The following DLG2 variants were observed in gnomAD, a reference collection of about 807,000 sequenced individuals.
DLG2 encodes the protein discs large MAGUK scaffold protein 2, also known as disks large homolog 2.
DLG2 carries 45 observed loss-of-function variants against 132.5 expected under a neutral mutation model. The observed-to-expected ratio is 0.34, with a 90% CI of 0.27 to 0.44. The LOEUF (loss-of-function observed/expected upper bound fraction) is 0.44, where lower values mean the gene tolerates loss of function less well. Ranked by LOEUF, DLG2 falls within the 20% of genes least tolerant of loss-of-function variation. The pLI, the probability that DLG2 is intolerant of heterozygous loss-of-function variation, is 1.00. For missense variants in DLG2, 1,045 were observed against 1,196.9 expected (o/e 0.87, Z 1.87); for synonymous variants, 424 against 419.6 (o/e 1.01, Z -0.13).
intron 3 of DLG2, among the ~76,000 whole-genome samples, chr11:85,412,923 T>C (rs1266262949): frequency 6.6e-6 from 1 of 151,882 alleles, no homozygotes; most frequent in African/African-American, 2.4e-5. Flanking sequence ...TCTGGGTAGA[T>C]AGCCAGTACT....
intron 17 of DLG2, among the ~76,000 whole-genome samples, chr11:83,815,421 T>C (rs2048584656): frequency 6.6e-6 from 1 of 152,162 alleles, no homozygotes; most frequent in East Asian, 1.9e-4. Flanking sequence ...AAATTCTCAA[T>C]AAATTCATTC....
At chr11:84,902,335 A>C (rs2090989326) in intron 6 of DLG2, among the ~76,000 whole-genome samples, 1 of 152,194 alleles carries the variant, frequency 6.6e-6, no homozygotes, top group Non-Finnish European at 1.5e-5. Flanking sequence ...GTTTTTATAA[A>C]GTATCTGCTT....
chr11:84,192,220 G>C (rs1336457983), intron 8 of DLG2, among the ~76,000 whole-genome samples: 2 of 152,078 alleles, frequency 1.3e-5, no homozygotes, highest in Non-Finnish European at 2.9e-5. Flanking sequence ...ACAGGGGGTG[G>C]GTGAGTATAT....
chr11:84,039,361 C>T (rs1234632159), intron 11 of DLG2, among the ~76,000 whole-genome samples: 1 of 128,446 alleles, frequency 7.8e-6, no homozygotes, highest in Non-Finnish European at 1.6e-5. Context: ...TAATGCTATC[C>T]CTCCCCCCGC....
At chr11:85,513,355 T>TA (rs113097869) in intron 3 of DLG2, among the ~76,000 whole-genome samples, 1 of 151,922 alleles carries the variant, frequency 6.6e-6, no homozygotes, top group Admixed American at 6.6e-5. Context: ...TTTTAAAAAT[T>TA]AAAAATAGAG....
intron 7 of DLG2, among the ~76,000 whole-genome samples, chr11:84,518,116 A>C (rs1290289934): frequency 1.1e-5 from 1 of 89,944 alleles, no homozygotes; most frequent in Non-Finnish European, 2.5e-5. Flanking sequence ...ATTCAATAAC[A>C]TGTCTAACTT....
At chr11:83,648,368 C>G (rs1409699663) in intron 18 of DLG2, among the ~76,000 whole-genome samples, 3 of 152,146 alleles carry the variant, frequency 2.0e-5, no homozygotes, top group African/African-American at 7.2e-5. Flanking sequence ...GAAAAGGGAG[C>G]AGCTACATAG....
At chr11:84,811,260 A>G (rs1202212898) in intron 6 of DLG2, among the ~76,000 whole-genome samples, 1 of 152,130 alleles carries the variant, frequency 6.6e-6, no homozygotes, top group Non-Finnish European at 1.5e-5. Context: ...TATATAAGGT[A>G]TGCATGTGTG....
intron 3 of DLG2, among the ~76,000 whole-genome samples, chr11:85,521,197 T>C (rs1402450610): frequency 6.6e-6 from 1 of 152,174 alleles, no homozygotes; most frequent in Non-Finnish European, 1.5e-5. Context: ...AGGGACCTTG[T>C]AGGAGGTGAT....
intron 6 of DLG2, among the ~76,000 whole-genome samples, chr11:84,815,754 C>A (rs1320777309): frequency 1.3e-5 from 2 of 151,950 alleles, no homozygotes. Context: ...GGATTATCTG[C>A]CCCAGTGCTC....
At chr11:84,143,090 T>G (rs189311511) in intron 9 of DLG2, among the ~76,000 whole-genome samples, 1 of 152,174 alleles carries the variant, frequency 6.6e-6, no homozygotes. Flanking sequence ...ATACAGTGTC[T>G]TTGTAGAATT....
chr11:84,472,203 G>A (rs757790436), intron 7 of DLG2, among the ~76,000 whole-genome samples: 1 of 151,778 alleles, frequency 6.6e-6, no homozygotes, highest in Non-Finnish European at 1.5e-5. Flanking sequence ...ATCTCAGTGT[G>A]CCTGTATACA....
chr11:83,958,328 G>A lies in DLG2; in HGVS notation c.1340+4557C>T, dbSNP rs2087473931. 2.0e-5 allele frequency among the ~76,000 whole-genome samples: 3 copies of A among 152,120 alleles called. No homozygotes were observed. In the South Asian group the frequency reaches 6.2e-4, roughly 32 times the overall value. ...CTGGTGAATATTAGAGTTACAGTTT[G>A]GGGCAGTTCTTGTAAAGTGTCTGTG... On this transcript the variant is annotated intron_variant, in intron 14 of 27. Coordinates refer to ENST00000376104, the MANE Select transcript of DLG2 (RefSeq NM_001142699.3).
At chr11:85,321,303 T>A (rs1051269762) in intron 3 of DLG2, among the ~76,000 whole-genome samples, 1 of 152,106 alleles carries the variant, frequency 6.6e-6, no homozygotes, top group Non-Finnish European at 1.5e-5. Flanking sequence ...ATCAAGGGCT[T>A]AGTATTGGCT....
intron 15 of DLG2, among the ~76,000 whole-genome samples, chr11:83,902,722 C>G (rs2073804142): frequency 6.6e-6 from 1 of 152,036 alleles, no homozygotes. Context: ...CCAAGGGAAC[C>G]CTTCCTAATC....
intron 6 of DLG2, among the ~76,000 whole-genome samples, chr11:84,851,881 C>A (rs1374190878): frequency 6.6e-6 from 1 of 151,520 alleles, no homozygotes; most frequent in African/African-American, 2.4e-5. Context: ...TAGTTATATA[C>A]AATTTTGTAT....
At chr11:85,596,539 T>C (rs139821538) in intron 3 of DLG2, among the ~76,000 whole-genome samples, 137 of 152,320 alleles carry the variant, frequency 9.0e-4, no homozygotes, top group Admixed American at 2.0e-3. Flanking sequence ...TTCTCTTCTA[T>C]TTCTACAGCT....
chr11:84,495,228 C>G (rs2099178374), intron 7 of DLG2, among the ~76,000 whole-genome samples: 1 of 152,142 alleles, frequency 6.6e-6, no homozygotes, highest in Non-Finnish European at 1.5e-5. Context: ...ACAGGAACTA[C>G]TACTGCCTCA....
chr11:83,883,114 G>T (rs2066768704), intron 15 of DLG2, among the ~76,000 whole-genome samples: 2 of 152,130 alleles, frequency 1.3e-5, no homozygotes, highest in South Asian at 4.1e-4. Context: ...ATTATCATTA[G>T]TACAATCTTA....
Sources: allele counts gnomAD v4.1 joint callset (sites outside exome capture counted in the v4.1 genomes callset), GRCh38; gene constraint gnomAD v4.1.1; transcripts MANE v1.5; gene names NCBI Gene and HGNC (gene_info 2026-07-23, HGNC 2026-07-21).